The following AGBL4 variants were observed in gnomAD, a reference collection of about 807,000 sequenced individuals.
AGBL4 encodes cytosolic carboxypeptidase 6.
AGBL4 carries 58 observed loss-of-function variants against 66.4 expected under a neutral mutation model. That is an observed-to-expected ratio of 0.87 (90% CI 0.71 to 1.09). The LOEUF (loss-of-function observed/expected upper bound fraction) is 1.09, where lower values mean the gene tolerates loss of function less well. AGBL4 is among the 50% of genes least tolerant of loss of function. The probability of loss-of-function intolerance (pLI) is 0.00; values close to 1 mark genes in which losing one functional copy is unlikely to be tolerated. For missense variants in AGBL4, 579 were observed against 631.0 expected, an observed-to-expected ratio of 0.92 and a Z score of 0.88; for synonymous variants, 234 against 222.9, an observed-to-expected ratio of 1.05 and a Z score of -0.44.
chr1:49,977,744 A>T (rs547650560), intron 1 of AGBL4, among the ~76,000 whole-genome samples: 1 of 152,326 alleles, frequency 6.6e-6, no homozygotes, highest in Admixed American at 6.5e-5. Flanking sequence ...ACACACACAC[A>T]CAAAAAACTT....
chr1:49,130,916 G>A (rs1645879874), intron 4 of AGBL4, among the ~76,000 whole-genome samples: 1 of 151,738 alleles, frequency 6.6e-6, no homozygotes, highest in Admixed American at 6.6e-5. Flanking sequence ...TTAATTCCTA[G>A]GTGGAAAAAA....
intron 3 of AGBL4, among the ~76,000 whole-genome samples, chr1:49,656,233 C>T (rs1174254966): frequency 3.3e-5 from 5 of 152,008 alleles, no homozygotes; most frequent in Non-Finnish European, 4.4e-5. Flanking sequence ...AACACCTCTA[C>T]GCAAATAAAC....
chr1:49,976,801 C>G (rs1156253617), intron 1 of AGBL4, among the ~76,000 whole-genome samples: 1 of 152,200 alleles, frequency 6.6e-6, no homozygotes, highest in Non-Finnish European at 1.5e-5. Context: ...GTCCACTATT[C>G]TCCATCCCTG....
At chr1:49,928,839 C>A (rs1032903636) in intron 1 of AGBL4, among the ~76,000 whole-genome samples, 2 of 151,694 alleles carry the variant, frequency 1.3e-5, no homozygotes, top group South Asian at 4.1e-4. Context: ...AAAAAAAAAT[C>A]ATTCTACCAA....
chr1:49,633,357 G>C (rs1309973631), intron 3 of AGBL4, among the ~76,000 whole-genome samples: 1 of 152,122 alleles, frequency 6.6e-6, no homozygotes, highest in African/African-American at 2.4e-5. Flanking sequence ...ATTTAGCACA[G>C]ACTGACATAT....
At chr1:49,771,341 A>C (rs1644052608) in intron 2 of AGBL4, among the ~76,000 whole-genome samples, 1 of 152,050 alleles carries the variant, frequency 6.6e-6, no homozygotes, top group South Asian at 2.1e-4. Context: ...TAGTTTTATA[A>C]CATTGTGGTA....
At chr1:49,915,442 G>A (rs532708063) in intron 1 of AGBL4, among the ~76,000 whole-genome samples, 24 of 152,282 alleles carry the variant, frequency 1.6e-4, no homozygotes, top group Non-Finnish European at 3.1e-4. Context: ...ATTATATCCC[G>A]CGCCTGGCTT....
At chr1:49,238,180 T>C (rs984287137) in intron 4 of AGBL4, among the ~76,000 whole-genome samples, 1 of 152,316 alleles carries the variant, frequency 6.6e-6, no homozygotes, top group Admixed American at 6.5e-5. Context: ...GATTTTCTGT[T>C]TGAGGTTCAC....
chr1:48,783,952 C>T (rs1282561047), intron 6 of AGBL4, among the ~76,000 whole-genome samples: 1 of 152,098 alleles, frequency 6.6e-6, no homozygotes, highest in Non-Finnish European at 1.5e-5. Context: ...GGGGAAGTCA[C>T]TTAGCATCTC....
chr1:49,688,680 C>T (rs1646830519), intron 3 of AGBL4, among the ~76,000 whole-genome samples: 1 of 152,158 alleles, frequency 6.6e-6, no homozygotes, highest in East Asian at 1.9e-4. Context: ...TGTTAATTTA[C>T]ATGCCCACTC....
chr1:48,766,960 G>C (rs1202061255), intron 6 of AGBL4, among the ~76,000 whole-genome samples: 1 of 152,202 alleles, frequency 6.6e-6, no homozygotes, highest in Non-Finnish European at 1.5e-5. Flanking sequence ...GTGTGACTTC[G>C]TGAGAGACAC....
At chr1:49,280,093 A>G (rs1644245229) in intron 3 of AGBL4, among the ~76,000 whole-genome samples, 1 of 152,092 alleles carries the variant, frequency 6.6e-6, no homozygotes, top group South Asian at 2.1e-4. Flanking sequence ...TCTGGCACCA[A>G]TGGCTCCACT....
intron 3 of AGBL4, among the ~76,000 whole-genome samples, chr1:49,591,352 A>G (rs1644748275): frequency 6.6e-6 from 1 of 152,106 alleles, no homozygotes; most frequent in South Asian, 2.1e-4. Context: ...CCACACAAAA[A>G]TTAAAGGAAT....
chr1:48,927,370 T>A (rs1330191344), intron 5 of AGBL4, among the ~76,000 whole-genome samples: 1 of 152,142 alleles, frequency 6.6e-6, no homozygotes. Flanking sequence ...TCAGATCTCA[T>A]GAGACTTATT....
intron 2 of AGBL4, among the ~76,000 whole-genome samples, chr1:49,743,510 C>T (rs1650719611): frequency 6.6e-6 from 1 of 152,150 alleles, no homozygotes; most frequent in African/African-American, 2.4e-5. Context: ...CCTCAGGGAT[C>T]TAGAACTAGA....
chr1:49,914,170 C>T (rs531077012), intron 1 of AGBL4, among the ~76,000 whole-genome samples: 1 of 152,338 alleles, frequency 6.6e-6, no homozygotes, highest in African/African-American at 2.4e-5. Flanking sequence ...TCTTTCCAAT[C>T]TGCTTCCCTT....
intron 3 of AGBL4, among the ~76,000 whole-genome samples, chr1:49,424,977 C>G (rs1376033647): frequency 3.9e-5 from 6 of 152,148 alleles, no homozygotes; most frequent in African/African-American, 9.7e-5. Flanking sequence ...ACCAGCTAAT[C>G]TGATGAGTCA....
chr1:49,167,859 C>T (rs1485571629), intron 4 of AGBL4, among the ~76,000 whole-genome samples: 3 of 152,142 alleles, frequency 2.0e-5, no homozygotes, highest in Non-Finnish European at 4.4e-5. Context: ...ACAGTTGGTT[C>T]TCTGCAGGTT....
intron 3 of AGBL4, among the ~76,000 whole-genome samples, chr1:49,618,681 AG>A (rs1645298521): frequency 6.6e-6 from 1 of 152,206 alleles, no homozygotes; most frequent in Admixed American, 6.5e-5. Flanking sequence ...AGAGTATTTC[AG>A]GCCAATATAC....
Sources: gnomAD v4.1 joint callset for allele counts (sites outside exome capture counted in the v4.1 genomes callset) on GRCh38, gnomAD v4.1.1 for gene constraint, MANE v1.5 for transcripts, NCBI Gene and HGNC (gene_info 2026-07-23, HGNC 2026-07-21) for gene names.